ENTREP2: variants seen among roughly 807,000 people sequenced by gnomAD.
ENTREP2 encodes protein ENTREP2.
At chr15:29,300,831 T>G in the ENTREP2 span, among the ~76,000 whole-genome samples, 1 of 152,174 alleles carries the variant, frequency 6.6e-6, no homozygotes, top group Non-Finnish European at 1.5e-5. Flanking sequence ...TCTCTTGACC[T>G]CGTGATCTGC....
At chr15:29,246,703 C>CAA in the ENTREP2 span, among the ~76,000 whole-genome samples, 4 of 142,174 alleles carry the variant, frequency 2.8e-5, no homozygotes, top group African/African-American at 1.0e-4. Context: ...AACTCCATCT[C>CAA]AAAAAAAAAA....
chr15:29,196,673 G>A, the ENTREP2 span: 1 of 1,267,640 alleles, frequency 7.9e-7, no homozygotes, highest in East Asian at 2.6e-5. Flanking sequence ...GTTCAAAGGA[G>A]CCTGTTTCAG....
chr15:29,444,206 GAA>G, the ENTREP2 span, among the ~76,000 whole-genome samples: 2 of 144,530 alleles, frequency 1.4e-5, no homozygotes, highest in Admixed American at 6.8e-5. Flanking sequence ...AAGAAAGAAA[GAA>G]AGAAAGAAAG....
the ENTREP2 span, among the ~76,000 whole-genome samples, chr15:29,136,775 T>C: frequency 3.3e-5 from 5 of 152,024 alleles, no homozygotes; most frequent in Admixed American, 2.0e-4. Flanking sequence ...AAACTGTACA[T>C]GTTACACAAA....
At chr15:29,285,650 A>C in the ENTREP2 span, among the ~76,000 whole-genome samples, 1 of 152,216 alleles carries the variant, frequency 6.6e-6, no homozygotes, top group Non-Finnish European at 1.5e-5. Flanking sequence ...AAGAAATAAC[A>C]CCAGCCTTAA....
chr15:29,174,710 CAA>C, the ENTREP2 span, among the ~76,000 whole-genome samples: 1 of 135,984 alleles, frequency 7.4e-6, no homozygotes. Context: ...AACAAAACAA[CAA>C]AAAAAAAAAA....
At chr15:29,172,593 A>T in the ENTREP2 span, among the ~76,000 whole-genome samples, 1 of 151,986 alleles carries the variant, frequency 6.6e-6, no homozygotes, top group South Asian at 2.1e-4. Context: ...GAGAAGGGAG[A>T]GGGAGGGATG....
the ENTREP2 span, chr15:29,269,840 G>A: frequency 9.2e-6 from 8 of 867,182 alleles, no homozygotes; most frequent in South Asian, 1.8e-4. Context: ...GCGTCATGAA[G>A]CCTGCGCCTT....
chr15:29,168,086 A>C, the ENTREP2 span, among the ~76,000 whole-genome samples: 1 of 152,196 alleles, frequency 6.6e-6, no homozygotes, highest in Non-Finnish European at 1.5e-5. Context: ...AAAACCAAAC[A>C]TCGTACGTTC....
chr15:29,593,541 T>C, the ENTREP2 span, among the ~76,000 whole-genome samples: 1 of 152,178 alleles, frequency 6.6e-6, no homozygotes, highest in Non-Finnish European at 1.5e-5. Context: ...TCCTCCAAAA[T>C]AGCAAATCCA....
the ENTREP2 span, among the ~76,000 whole-genome samples, chr15:29,443,475 G>A: frequency 1.2e-3 from 189 of 152,196 alleles, no homozygotes; most frequent in African/African-American, 4.2e-3. Flanking sequence ...TTATACACTA[G>A]CCCACCAGGA....
the ENTREP2 span, among the ~76,000 whole-genome samples, chr15:29,601,091 G>A: frequency 1.3e-5 from 2 of 149,918 alleles, no homozygotes; most frequent in African/African-American, 5.1e-5. Flanking sequence ...TAGAGACGGG[G>A]TTTCACCGTG....
chr15:29,298,821 C>T, the ENTREP2 span, among the ~76,000 whole-genome samples: 4 of 152,150 alleles, frequency 2.6e-5, no homozygotes, highest in African/African-American at 9.7e-5. Flanking sequence ...TACATGAACT[C>T]TTCCAGAAAA....
chr15:29,632,359 T>C, the ENTREP2 span, among the ~76,000 whole-genome samples: 2 of 152,232 alleles, frequency 1.3e-5, no homozygotes, highest in Non-Finnish European at 2.9e-5. Context: ...CCAGCTGCTT[T>C]TTTATGCTGT....
chr15:29,609,903 T>G, the ENTREP2 span: 1 of 150,454 alleles, frequency 6.6e-6, no homozygotes, highest in Non-Finnish European at 1.5e-5. Flanking sequence ...GTAATAAAAT[T>G]TGTTCTGGCC....
chr15:29,132,391 G>C, the ENTREP2 span, among the ~76,000 whole-genome samples: 1 of 152,192 alleles, frequency 6.6e-6, no homozygotes, highest in Non-Finnish European at 1.5e-5. Context: ...GTCAAAGACA[G>C]TGGGCCCGAG....
chr15:29,523,732 T>C, the ENTREP2 span, among the ~76,000 whole-genome samples: 1 of 152,044 alleles, frequency 6.6e-6, no homozygotes, highest in Non-Finnish European at 1.5e-5. Flanking sequence ...AATAAGCCCA[T>C]ACATTTATAG....
the ENTREP2 span, among the ~76,000 whole-genome samples, chr15:29,382,405 TG>T: frequency 1.3e-5 from 2 of 152,052 alleles, no homozygotes; most frequent in Admixed American, 1.3e-4. Context: ...TATACACACT[TG>T]GCTCCCCTGA....
the ENTREP2 span, among the ~76,000 whole-genome samples, chr15:29,663,574 G>T: frequency 6.6e-6 from 1 of 152,178 alleles, no homozygotes; most frequent in Non-Finnish European, 1.5e-5. Context: ...GGACATGGAT[G>T]AAGCTGGAAA....
Sources: gnomAD v4.1 joint callset for allele counts (sites outside exome capture counted in the v4.1 genomes callset) on GRCh38, gnomAD v4.1.1 for gene constraint, MANE v1.5 for transcripts, NCBI Gene and HGNC (gene_info 2026-07-23, HGNC 2026-07-21) for gene names.